The following SLC30A7 variants were observed in gnomAD, a reference collection of about 807,000 sequenced individuals.
SLC30A7 encodes zinc transporter 7.
In SLC30A7, 35 loss-of-function variants were observed where a neutral mutation model predicts 46.0. The ratio of observed to expected loss-of-function variants is 0.76; its 90% CI spans 0.58 to 1.01. The LOEUF (loss-of-function observed/expected upper bound fraction) is 1.01, where lower values mean the gene tolerates loss of function less well. Among genes scored for constraint, SLC30A7 ranks in the 50% least tolerant of loss-of-function variants. The probability of loss-of-function intolerance (pLI) is 0.00; values close to 1 mark genes in which losing one functional copy is unlikely to be tolerated. For synonymous variants in SLC30A7, 147 were observed against 157.8 expected (o/e 0.93, Z 0.51); for missense variants, 464 against 451.1 (o/e 1.03, Z -0.26).
intron 8 of SLC30A7, among the ~76,000 whole-genome samples, chr1:100,938,339 CT>C (rs1252021589): frequency 6.6e-6 from 1 of 152,190 alleles, no homozygotes; most frequent in East Asian, 1.9e-4. Flanking sequence ...CAAGGGGCAT[CT>C]CCTTTGTGAA....
rs567768381 is a variant in SLC30A7, at chr1:100,976,358, T to C, written c.*1501T>C. On this transcript the variant is annotated 3_prime_UTR_variant, in exon 11 of 11. Transcript: ENST00000357650. ...TCAGGAATCCTAAAGCAGCATTTTATTGAGTTTGAATTATTAAAGGTACAG... is the reference window on the plus strand; with the variant it reads ...TCAGGAATCCTAAAGCAGCATTTTACTGAGTTTGAATTATTAAAGGTACAG... 1.9e-4 allele frequency: 29 copies of C among 152,328 alleles called. No individual in the cohort carries two copies. Among genetic ancestry groups the C allele is most frequent in the Non-Finnish European group, 4.4e-5 (3 of 68,032 alleles). The allele number at this position is 152,328 out of a possible 1,614,324, so 9.4% of individuals were successfully genotyped here. A position where few individuals can be genotyped will look rare whatever the true frequency, so the allele number is the denominator to read the frequency against.
chr1:100,985,076 GA>G (rs1213085383), downstream of SLC30A7, among the ~76,000 whole-genome samples: 1 of 152,134 alleles, frequency 6.6e-6, no homozygotes, highest in Non-Finnish European at 1.5e-5. Flanking sequence ...AGAAGACAGA[GA>G]AAAGAGTCAA....
At chr1:100,941,110 T>C (rs1347128724) in intron 8 of SLC30A7, 4 of 326,680 alleles carry the variant, frequency 1.2e-5, no homozygotes, top group South Asian at 6.3e-5. Flanking sequence ...TCCACCACCA[T>C]AGGGGCCAGA....
intron 8 of SLC30A7, among the ~76,000 whole-genome samples, chr1:100,940,096 G>A (rs960802447): frequency 6.6e-6 from 1 of 152,094 alleles, no homozygotes; most frequent in African/African-American, 2.4e-5. Context: ...GACTAATGGA[G>A]CAGATTAGGA....
chr1:100,940,562 G>C (rs1431311206), intron 8 of SLC30A7, among the ~76,000 whole-genome samples: 2 of 152,098 alleles, frequency 1.3e-5, no homozygotes, highest in African/African-American at 4.8e-5. Flanking sequence ...AAATAAAAAT[G>C]TAATTTAATT....
downstream of SLC30A7, among the ~76,000 whole-genome samples, chr1:100,986,342 G>A (rs1408352723): frequency 6.6e-6 from 1 of 152,004 alleles, no homozygotes; most frequent in East Asian, 1.9e-4. Flanking sequence ...CCAGGAGGCA[G>A]AGGTTGTGGT....
intron 8 of SLC30A7, among the ~76,000 whole-genome samples, chr1:100,949,054 T>C (rs1380980408): frequency 1.3e-5 from 2 of 152,228 alleles, no homozygotes; most frequent in East Asian, 3.8e-4. Context: ...TAAGTCCAGC[T>C]TTGTTCTGTT....
chr1:100,928,533 A>G (rs746732348), intron 8 of SLC30A7, among the ~76,000 whole-genome samples: 4 of 152,168 alleles, frequency 2.6e-5, no homozygotes, highest in African/African-American at 7.2e-5. Context: ...AAAAATTACC[A>G]TAAGAGACCC....
intron 8 of SLC30A7, among the ~76,000 whole-genome samples, chr1:100,922,255 C>T (rs981956174): frequency 8.5e-5 from 13 of 152,048 alleles, no homozygotes; most frequent in African/African-American, 2.2e-4. Flanking sequence ...CATGAGCCAC[C>T]GCACCCGGCC....
At chr1:100,950,080 A>G (rs1654878611) in intron 8 of SLC30A7, among the ~76,000 whole-genome samples, 1 of 152,066 alleles carries the variant, frequency 6.6e-6, no homozygotes, top group Non-Finnish European at 1.5e-5. Context: ...TGCAGGAATC[A>G]CCCGTCTTCT....
At chr1:100,983,629 C>T (rs1657106515), downstream of SLC30A7, among the ~76,000 whole-genome samples, 3 of 152,142 alleles carry the variant, frequency 2.0e-5, no homozygotes, top group Non-Finnish European at 2.9e-5. Context: ...GAATAGTACT[C>T]TTTTTGTGAA....
intron 8 of SLC30A7, among the ~76,000 whole-genome samples, chr1:100,929,415 G>T (rs1387098412): frequency 6.6e-6 from 1 of 152,030 alleles, no homozygotes. Flanking sequence ...TTTGCAAGGA[G>T]ATCACTCTGA....
the SLC30A7 span, among the ~76,000 whole-genome samples, chr1:100,991,088 TA>T: frequency 1.3e-5 from 2 of 152,138 alleles, no homozygotes; most frequent in African/African-American, 4.8e-5. Context: ...AGCTGTGTGA[TA>T]AACTTCAGTT....
At chr1:100,972,627 A>G (rs1198360799) in intron 10 of SLC30A7, 1 of 152,132 alleles carries the variant, frequency 6.6e-6, no homozygotes, top group Non-Finnish European at 1.5e-5. Flanking sequence ...GTTGAAAAAT[A>G]AAAGAAATTA....
intron 8 of SLC30A7, among the ~76,000 whole-genome samples, chr1:100,960,675 GT>G (rs954833220): frequency 1.3e-5 from 2 of 152,086 alleles, no homozygotes; most frequent in African/African-American, 4.8e-5. Flanking sequence ...AATTCTGTAA[GT>G]TTAAAAGTGA....
chr1:100,959,923 A>G, intron 8 of SLC30A7, among the ~76,000 whole-genome samples: 1 of 150,076 alleles, frequency 6.7e-6, no homozygotes, highest in East Asian at 1.9e-4. Flanking sequence ...CGTAAAAGAT[A>G]CGGATATTAT....
the SLC30A7 span, among the ~76,000 whole-genome samples, chr1:100,994,906 C>G: frequency 6.6e-6 from 1 of 152,198 alleles, no homozygotes; most frequent in African/African-American, 2.4e-5. Context: ...AACCACTGTT[C>G]TCAGTGTTGA....
At chr1:100,936,240 C>A (rs1351397337) in intron 8 of SLC30A7, among the ~76,000 whole-genome samples, 1 of 152,076 alleles carries the variant, frequency 6.6e-6, no homozygotes, top group African/African-American at 2.4e-5. Flanking sequence ...ATTTACTAGA[C>A]CAATTGTCTC....
At chr1:100,907,747 TCTCTTC>T (rs1461323729) in intron 3 of SLC30A7, among the ~76,000 whole-genome samples, 1 of 151,818 alleles carries the variant, frequency 6.6e-6, no homozygotes, top group Non-Finnish European at 1.5e-5. Context: ...TCTTTTACAT[TCTCTTC>T]CTTCTTCATC....
Sources: allele counts gnomAD v4.1 joint callset (sites outside exome capture counted in the v4.1 genomes callset), GRCh38; gene constraint gnomAD v4.1.1; transcripts MANE v1.5; gene names NCBI Gene and HGNC (gene_info 2026-07-23, HGNC 2026-07-21).